Variants in HS3ST4 observed in about 807,000 individuals in gnomAD.
HS3ST4 encodes the protein heparan sulfate-glucosamine 3-sulfotransferase 4.
Under a neutral mutation model 29.2 loss-of-function variants are expected in HS3ST4, and 17 were observed. The ratio of observed to expected loss-of-function variants is 0.58; its 90% confidence interval spans 0.40 to 0.87. The LOEUF is 0.87. HS3ST4 is among the 40% of genes least tolerant of loss of function. HS3ST4 has a pLI of 0.00. For missense variants in HS3ST4, 627 were observed against 634.5 expected (o/e 0.99, Z 0.13); for synonymous variants, 314 against 285.7 (o/e 1.10, Z -1.00).
At chr16:25,798,667 C>T (rs1050870279) in intron 1 of HS3ST4, among the ~76,000 whole-genome samples, 8 of 152,130 alleles carry the variant, frequency 5.3e-5, no homozygotes, top group Non-Finnish European at 1.0e-4. Flanking sequence ...CAAGTTCATC[C>T]ACAAGGAAAG....
At chr16:25,947,183 T>A (rs913304278) in intron 1 of HS3ST4, among the ~76,000 whole-genome samples, 7 of 152,210 alleles carry the variant, frequency 4.6e-5, no homozygotes, top group Admixed American at 3.9e-4. Context: ...CTCCATAAAA[T>A]CATTTGAAGA....
intron 1 of HS3ST4, among the ~76,000 whole-genome samples, chr16:25,804,034 G>A (rs1205214813): frequency 1.3e-5 from 2 of 151,976 alleles, no homozygotes; most frequent in Non-Finnish European, 2.9e-5. Context: ...GTCCCCTGAG[G>A]TTATCACAGA....
chr16:26,057,490 C>T (rs1567303369), intron 1 of HS3ST4, among the ~76,000 whole-genome samples: 1 of 152,268 alleles, frequency 6.6e-6, no homozygotes, highest in Non-Finnish European at 1.5e-5. Flanking sequence ...CGCGGTGGCT[C>T]ACGCCTGTAA....
At chr16:26,072,541 G>A (rs996806839) in intron 1 of HS3ST4, among the ~76,000 whole-genome samples, 6 of 152,184 alleles carry the variant, frequency 3.9e-5, no homozygotes, top group Non-Finnish European at 7.3e-5. Context: ...TTTTATACAT[G>A]ATAGTCAGTA....
chr16:25,867,255 A>G (rs1235101094), intron 1 of HS3ST4, among the ~76,000 whole-genome samples: 2 of 152,182 alleles, frequency 1.3e-5, no homozygotes, highest in African/African-American at 2.4e-5. Flanking sequence ...CCAAAGGCTT[A>G]AGGAGAATTC....
chr16:25,891,467 A>G (rs1437987883), intron 1 of HS3ST4, among the ~76,000 whole-genome samples: 1 of 152,124 alleles, frequency 6.6e-6, no homozygotes, highest in East Asian at 1.9e-4. Flanking sequence ...CTTTACTTAC[A>G]TGTTTTGTGG....
chr16:25,803,956 C>T (rs1966965291), intron 1 of HS3ST4, among the ~76,000 whole-genome samples: 1 of 152,096 alleles, frequency 6.6e-6, no homozygotes, highest in Admixed American at 6.6e-5. Flanking sequence ...CCCTCTCCTT[C>T]CCTCTCCTCC....
intron 1 of HS3ST4, among the ~76,000 whole-genome samples, chr16:25,779,088 C>T (rs958415001): frequency 1.6e-4 from 25 of 152,178 alleles, no homozygotes; most frequent in South Asian, 4.1e-4. Flanking sequence ...CTGACTAATG[C>T]AGTCCTTCCC....
At chr16:25,962,505 G>T (rs1038970976) in intron 1 of HS3ST4, among the ~76,000 whole-genome samples, 1 of 152,120 alleles carries the variant, frequency 6.6e-6, no homozygotes, top group African/African-American at 2.4e-5. Flanking sequence ...GCCAGCTTCT[G>T]TAAAAAACAA....
intron 1 of HS3ST4, among the ~76,000 whole-genome samples, chr16:26,091,052 C>G (rs1381223543): frequency 6.6e-6 from 1 of 152,102 alleles, no homozygotes; most frequent in Admixed American, 6.5e-5. Flanking sequence ...TTATATAACC[C>G]TGTTAAGTTT....
At chr16:26,103,772 T>C (rs1336279177) in intron 1 of HS3ST4, among the ~76,000 whole-genome samples, 1 of 152,202 alleles carries the variant, frequency 6.6e-6, no homozygotes, top group African/African-American at 2.4e-5. Flanking sequence ...CACATTCATT[T>C]GTGGATCTCA....
At chr16:26,087,727 A>G (rs557684956) in intron 1 of HS3ST4, among the ~76,000 whole-genome samples, 7 of 152,294 alleles carry the variant, frequency 4.6e-5, no homozygotes, top group Admixed American at 2.6e-4. Flanking sequence ...ACTGGCTAAA[A>G]CTTCCTAATC....
At position 25,884,281 on chromosome 16, in the gene HS3ST4, C is replaced by T. The variant is rs1484254676; in HGVS notation, c.734+191130C>T. Among the ~76,000 whole-genome samples the T allele has an allele frequency of 2.0e-5, 3 of 152,204 alleles. No homozygotes were observed. In the East Asian group the frequency reaches 5.8e-4, roughly 29 times the overall value. ...GCTATTGTACATGCTGTCACTTTAC[C>T]AGGGATGCCTTTCCCTCAGATCTTT... On this transcript the variant is annotated intron_variant, in intron 1 of 1. Transcript: ENST00000331351.
chr16:25,985,975 A>AT (rs1229842714), intron 1 of HS3ST4, among the ~76,000 whole-genome samples: 2 of 152,278 alleles, frequency 1.3e-5, no homozygotes, highest in East Asian at 3.9e-4. Context: ...ACGGCCCACC[A>AT]TAACTGGCCC....
At chr16:25,966,078 C>A (rs546918427) in intron 1 of HS3ST4, among the ~76,000 whole-genome samples, 3 of 152,132 alleles carry the variant, frequency 2.0e-5, no homozygotes, top group African/African-American at 7.2e-5. Flanking sequence ...ATTCTAAATG[C>A]GTTATATGGA....
intron 1 of HS3ST4, among the ~76,000 whole-genome samples, chr16:25,895,484 G>T (rs1968052438): frequency 6.6e-6 from 1 of 152,010 alleles, no homozygotes; most frequent in Admixed American, 6.6e-5. Flanking sequence ...GTTGTCAGGG[G>T]CTCGATAAGC....
At chr16:25,702,250 A>G (rs1966339094) in intron 1 of HS3ST4, among the ~76,000 whole-genome samples, 1 of 152,224 alleles carries the variant, frequency 6.6e-6, no homozygotes, top group Non-Finnish European at 1.5e-5. Flanking sequence ...CTATGAATCT[A>G]TTGGAAACAA....
At chr16:25,904,046 G>A (rs908591301) in intron 1 of HS3ST4, among the ~76,000 whole-genome samples, 1 of 152,138 alleles carries the variant, frequency 6.6e-6, no homozygotes, top group Non-Finnish European at 1.5e-5. Flanking sequence ...GATTAGTGAT[G>A]AAACGATGGA....
intron 1 of HS3ST4, among the ~76,000 whole-genome samples, chr16:25,820,872 A>G (rs1460998657): frequency 6.6e-6 from 1 of 151,832 alleles, no homozygotes; most frequent in African/African-American, 2.4e-5. Context: ...CCCCTGGCCT[A>G]CTATTTTTTT....
Sources: allele counts gnomAD v4.1 joint callset (sites outside exome capture counted in the v4.1 genomes callset), GRCh38; gene constraint gnomAD v4.1.1; transcripts MANE v1.5; gene names NCBI Gene and HGNC (gene_info 2026-07-23, HGNC 2026-07-21).